BRINP2: variants seen among roughly 807,000 people sequenced by gnomAD.
BRINP2 encodes the protein BMP/retinoic acid-inducible neural-specific protein 2.
In BRINP2, 21 loss-of-function variants were observed where a neutral mutation model predicts 69.2. The observed-to-expected ratio is 0.30, with a 90% CI of 0.22 to 0.44. The LOEUF is 0.44. Ranked by LOEUF, BRINP2 falls within the 20% of genes least tolerant of loss-of-function variation. The probability of loss-of-function intolerance (pLI) is 1.00; values close to 1 mark genes in which losing one functional copy is unlikely to be tolerated. For missense variants in BRINP2, 877 were observed against 986.0 expected (o/e 0.89, Z 1.48); for synonymous variants, 380 against 394.1 (o/e 0.96, Z 0.42).
intron 2 of BRINP2, among the ~76,000 whole-genome samples, chr1:177,233,041 G>A (rs1349908999): frequency 1.3e-5 from 2 of 152,172 alleles, no homozygotes; most frequent in Admixed American, 1.3e-4. Flanking sequence ...TCTTCTACCT[G>A]TTGAACAGAT....
chr1:177,196,485 G>T (rs1476773058), intron 1 of BRINP2, among the ~76,000 whole-genome samples: 2 of 152,142 alleles, frequency 1.3e-5, no homozygotes, highest in East Asian at 3.9e-4. Context: ...GAATGTGGTG[G>T]TGCATGCCTG....
intron 4 of BRINP2, among the ~76,000 whole-genome samples, chr1:177,266,561 C>T (rs1332825035): frequency 6.6e-6 from 1 of 151,786 alleles, no homozygotes; most frequent in Non-Finnish European, 1.5e-5. Context: ...AGATCAAGAC[C>T]ATCCTGGCTA....
chr1:177,207,208 T>C (rs1182820290), intron 1 of BRINP2, among the ~76,000 whole-genome samples: 1 of 152,138 alleles, frequency 6.6e-6, no homozygotes, highest in African/African-American at 2.4e-5. Flanking sequence ...CTAATGGCCT[T>C]TGTATCCTGC....
At chr1:177,275,917 A>G (rs959455441) in intron 5 of BRINP2, among the ~76,000 whole-genome samples, 1 of 152,200 alleles carries the variant, frequency 6.6e-6, no homozygotes, top group Non-Finnish European at 1.5e-5. Flanking sequence ...GCCTGTTCTT[A>G]TGATATGCAC....
intron 1 of BRINP2, among the ~76,000 whole-genome samples, chr1:177,222,513 G>A (rs537625996): frequency 6.6e-5 from 10 of 151,984 alleles, no homozygotes; most frequent in African/African-American, 1.9e-4. Context: ...GGTTTCACCA[G>A]GTTGGCCAGG....
intron 1 of BRINP2, among the ~76,000 whole-genome samples, chr1:177,206,609 C>T (rs1279209100): frequency 2.0e-5 from 3 of 152,174 alleles, no homozygotes; most frequent in Non-Finnish European, 4.4e-5. Flanking sequence ...GGTCATGTCA[C>T]CACTACTCTT....
intron 1 of BRINP2, among the ~76,000 whole-genome samples, chr1:177,172,996 G>T (rs1161491091): frequency 6.6e-6 from 1 of 152,166 alleles, no homozygotes; most frequent in African/African-American, 2.4e-5. Flanking sequence ...TAAAATACAT[G>T]CAATGCCAGT....
intron 1 of BRINP2, among the ~76,000 whole-genome samples, chr1:177,189,713 A>G (rs945493774): frequency 6.6e-6 from 1 of 152,100 alleles, no homozygotes; most frequent in Non-Finnish European, 1.5e-5. Flanking sequence ...CTCCACATTG[A>G]GATGTTTTGT....
At chr1:177,181,907 G>A (rs1202016647) in intron 1 of BRINP2, among the ~76,000 whole-genome samples, 1 of 152,236 alleles carries the variant, frequency 6.6e-6, no homozygotes, top group Admixed American at 6.5e-5. Flanking sequence ...GGCGCAGGCG[G>A]GATTCTTGCC....
At chr1:177,212,250 A>G (rs1649244629) in intron 1 of BRINP2, among the ~76,000 whole-genome samples, 1 of 152,128 alleles carries the variant, frequency 6.6e-6, no homozygotes, top group Non-Finnish European at 1.5e-5. Flanking sequence ...TTTTTAGGGT[A>G]TTTAAAACAT....
chr1:177,272,723 G>A (rs1651368105), intron 4 of BRINP2, among the ~76,000 whole-genome samples: 2 of 152,108 alleles, frequency 1.3e-5, no homozygotes, highest in South Asian at 4.1e-4. Flanking sequence ...CTTGTTGATT[G>A]ATTGTTGGCA....
In BRINP2 at chr1:177,236,233, C is replaced by T. The variant is rs151122748; in HGVS notation, c.269+6088C>T. Among the ~76,000 whole-genome samples, 27 of 152,318 alleles carry T rather than the reference C, an allele frequency of 1.8e-4. No homozygotes were observed. In the East Asian group the frequency reaches 5.0e-3, roughly 28 times the overall value. ...CAGACGCAGCACAAGGCATCTTAGG[C>T]CTTCCGCCCAAGGAATTTTAACCCA... On this transcript the variant is annotated intron_variant, in intron 2 of 7. Coordinates refer to ENST00000361539, the MANE Select transcript of BRINP2 (RefSeq NM_021165.4).
chr1:177,235,001 C>A (rs926319), intron 2 of BRINP2, among the ~76,000 whole-genome samples: 87,996 of 151,960 alleles, frequency 0.58, 25,791 homozygotes, highest in South Asian at 0.64. Context: ...TCAGGATAAA[C>A]AATAAGACTT....
At chr1:177,248,435 T>C (rs1240355487) in intron 2 of BRINP2, among the ~76,000 whole-genome samples, 2 of 147,300 alleles carry the variant, frequency 1.4e-5, no homozygotes, top group African/African-American at 2.5e-5. Flanking sequence ...GAGGTACAGT[T>C]TGTGTGTGTG....
At chr1:177,181,929 C>T (rs1355945666) in intron 1 of BRINP2, among the ~76,000 whole-genome samples, 1 of 152,184 alleles carries the variant, frequency 6.6e-6, no homozygotes, top group Non-Finnish European at 1.5e-5. Context: ...CGGAGGTTGC[C>T]GAGGAGTGGC....
intron 1 of BRINP2, among the ~76,000 whole-genome samples, chr1:177,193,533 T>C (rs532696545): frequency 3.9e-5 from 6 of 152,316 alleles, no homozygotes; most frequent in Non-Finnish European, 7.4e-5. Context: ...AGAAGAACTT[T>C]CAGGAACCAT....
chr1:177,184,881 G>T (rs979097994), intron 1 of BRINP2, among the ~76,000 whole-genome samples: 1 of 152,150 alleles, frequency 6.6e-6, no homozygotes, highest in Non-Finnish European at 1.5e-5. Context: ...AATTAGGGAT[G>T]TGTTTCCTTT....
At chr1:177,174,213 C>T (rs907568077) in intron 1 of BRINP2, among the ~76,000 whole-genome samples, 3 of 152,180 alleles carry the variant, frequency 2.0e-5, no homozygotes, top group Non-Finnish European at 4.4e-5. Flanking sequence ...GGAATTGGAT[C>T]TGGGTCTCAC....
At chr1:177,199,044 G>A (rs577059910) in intron 1 of BRINP2, among the ~76,000 whole-genome samples, 1 of 152,146 alleles carries the variant, frequency 6.6e-6, no homozygotes, top group South Asian at 2.1e-4. Flanking sequence ...TAATATTTTA[G>A]GTAAGGAAAA....
Sources: allele counts gnomAD v4.1 joint callset (sites outside exome capture counted in the v4.1 genomes callset), GRCh38; gene constraint gnomAD v4.1.1; transcripts MANE v1.5; gene names NCBI Gene and HGNC (gene_info 2026-07-23, HGNC 2026-07-21).